The following NFYA variants were observed in gnomAD, a reference collection of about 807,000 sequenced individuals.
NFYA encodes the protein nuclear transcription factor Y subunit alpha, also known as CAAT-box DNA binding protein subunit A.
Under a neutral mutation model 52.8 loss-of-function variants are expected in NFYA, and 28 were observed. The ratio of observed to expected loss-of-function variants is 0.53; its 90% CI spans 0.39 to 0.73. NFYA has a LOEUF of 0.73. Ranked by LOEUF, NFYA falls within the 30% of genes least tolerant of loss-of-function variation. NFYA has a pLI of 0.00. For missense variants in NFYA, 234 were observed against 427.0 expected (o/e 0.55, Z 3.98); for synonymous variants, 150 against 150.7 (o/e 1.00, Z 0.03).
In NFYA at chr6:41,101,002, C is replaced by CGGTACCTAG. The variant is rs1013882864; in HGVS notation, c.*3594_*3602dup. On this transcript the variant is annotated 3_prime_UTR_variant, in exon 10 of 10. Coordinates refer to ENST00000341376, the MANE Select transcript of NFYA (RefSeq NM_002505.5). ...CTGCTACGCGGCTGGGCCCTGTTTC[C>CGGTACCTAG]GGTACCTAGGCGGGCAGCCATGGTG... The CGGTACCTAG allele has an allele frequency of 6.6e-6, 1 of 152,290 alleles. No homozygotes were observed. The highest frequency in any genetic ancestry group is 1.5e-5 in the Non-Finnish European group (1 of 68,072). 9.4% of individuals were successfully genotyped at this position (152,290 alleles called of 1,614,324 possible). A position where few individuals can be genotyped will look rare whatever the true frequency, so the allele number is the denominator to read the frequency against.
chr6:41,089,512 ACT>A, intron 4 of NFYA, 65 bp from the exon 5 acceptor site: 1 of 1,440,956 alleles, frequency 6.9e-7, no homozygotes, highest in Non-Finnish European at 9.2e-7. Flanking sequence ...AATGTGGATA[ACT>A]CTCGGGGACC....
chr6:41,092,408 G>T (rs1047595201), intron 7 of NFYA, among the ~76,000 whole-genome samples: 1 of 152,192 alleles, frequency 6.6e-6, no homozygotes, highest in Non-Finnish European at 1.5e-5. Context: ...ATTCAATACA[G>T]TTATTCAAAG....
chr6:41,073,857 C>T (rs1262656611), intron 1 of NFYA, among the ~76,000 whole-genome samples: 3 of 152,030 alleles, frequency 2.0e-5, no homozygotes, highest in Admixed American at 6.6e-5. Flanking sequence ...CTCGTCATTT[C>T]CTCTCTTCCC....
intron 1 of NFYA, 94 bp from the exon 2 acceptor site, chr6:41,078,935 A>G (rs1361614749): frequency 1.0e-5 from 6 of 574,948 alleles, no homozygotes; most frequent in Non-Finnish European, 1.9e-5. Flanking sequence ...GTTTTCTTGC[A>G]AATAAAGTAC....
intron 9 of NFYA, among the ~76,000 whole-genome samples, chr6:41,097,116 T>G (rs1320635750): frequency 6.6e-6 from 1 of 152,228 alleles, no homozygotes; most frequent in Non-Finnish European, 1.5e-5. Flanking sequence ...CTAACAGCCC[T>G]GCAGTGTTTC....
chr6:41,078,235 C>T (rs913119514), intron 1 of NFYA, among the ~76,000 whole-genome samples: 1 of 152,154 alleles, frequency 6.6e-6, no homozygotes, highest in Non-Finnish European at 1.5e-5. Context: ...ATTTTGGTTT[C>T]TTCTTTCACA....
intron 1 of NFYA, among the ~76,000 whole-genome samples, chr6:41,073,413 C>G (rs968777670): frequency 6.6e-6 from 1 of 151,944 alleles, no homozygotes; most frequent in African/African-American, 2.4e-5. Flanking sequence ...GGCCCCAGGC[C>G]TGGGGCCACG....
intron 6 of NFYA, 107 bp downstream of exon 6, chr6:41,090,416 TTTGG>T: frequency 1.6e-6 from 1 of 615,804 alleles, no homozygotes; most frequent in Non-Finnish European, 2.9e-6. Context: ...CTACATATTT[TTTGG>T]ACAAAAAAAA....
intron 1 of NFYA, chr6:41,075,250 A>G (rs1763701509): frequency 6.6e-6 from 1 of 152,198 alleles, no homozygotes; most frequent in African/African-American, 2.4e-5. Context: ...ACAGTGGCGC[A>G]ATCGTAGCTC....
At chr6:41,088,013 T>G (rs1285871464) in intron 4 of NFYA, among the ~76,000 whole-genome samples, 1 of 152,220 alleles carries the variant, frequency 6.6e-6, no homozygotes, top group Non-Finnish European at 1.5e-5. Flanking sequence ...CAAACATTAA[T>G]GACAGTAGTG....
rs766683975 is a variant in NFYA, at chr6:41,094,485, T to C, written c.978T>C (p.Ser326=). The C allele has an allele frequency of 6.2e-7, 1 of 1,613,560 alleles. No homozygotes were observed. The highest frequency in any genetic ancestry group is 1.1e-5 in the South Asian group (1 of 91,070). Residue 326 remains serine (S), a synonymous_variant, in exon 9 of 10, where the codon AGT becomes AGC. Coordinates refer to ENST00000341376, the MANE Select transcript of NFYA (RefSeq NM_002505.5). The part of the protein sequence containing the change: ...GRFFSPKEKD[S]PHMQDPNQAD... ...TTTTCTCTCCAAAGGAAAAGGATAG[T>C]CCCCATATGCAGGTAGGAAGACATA...
chr6:41,097,228 G>A lies in NFYA; in HGVS notation c.991-129G>A, dbSNP rs2113827636. On this transcript the variant is annotated intron_variant, in intron 9 of 9. Transcript: ENST00000341376. ...CTTTAAGCCATGTATGCAGACTTAA[G>A]ATGTATTACAAGCCTTTGATTTACT... is the stretch of plus-strand genomic sequence containing the variant. 1.2e-5 allele frequency: 9 copies of A among 775,846 alleles called. No individual in the cohort carries two copies. In the South Asian group the frequency reaches 1.4e-4, roughly 12 times the overall value. 48.1% of individuals were successfully genotyped at this position (775,846 alleles called of 1,614,324 possible).
In NFYA at chr6:41,097,493, A is replaced by T. The variant is rs1273331890; in HGVS notation, c.*83A>T. The T allele has an allele frequency of 7.0e-7, 1 of 1,425,048 alleles. No homozygotes were observed. The highest frequency in any genetic ancestry group is 9.9e-7 in the Non-Finnish European group (1 of 1,011,956). 88.3% of individuals were successfully genotyped at this position (1,425,048 alleles called of 1,614,324 possible). On this transcript the variant is annotated 3_prime_UTR_variant, in exon 10 of 10. Transcript: ENST00000341376. ...GATCAACTCTTCCAATGGGACATTG[A>T]TGATCACATTCTGCCCTTTACTACA...
chr6:41,089,692 C>G lies in NFYA; in HGVS notation c.423C>G (p.Val141=). 6.2e-7 allele frequency: 1 copy of G among 1,612,408 alleles called. No homozygotes were observed. The highest frequency in any genetic ancestry group is 8.5e-7 in the Non-Finnish European group (1 of 1,179,834). Residue 141 remains valine, a synonymous_variant, in exon 5 of 10, where the codon GTC becomes GTG. Coordinates refer to ENST00000341376, the MANE Select transcript of NFYA (RefSeq NM_002505.5). Reference sequence around the variant, plus strand: ...TCATCCAGCAGCCCCAGACGGCTGTCACTGCTGGCCAGACTCAGGTAATTC... The same window carrying G: ...TCATCCAGCAGCCCCAGACGGCTGTGACTGCTGGCCAGACTCAGGTAATTC... ...QIIIQQPQTA[V]TAGQTQTQQQ...
chr6:41,086,058 G>A (rs1764034890), intron 4 of NFYA, among the ~76,000 whole-genome samples: 1 of 152,120 alleles, frequency 6.6e-6, no homozygotes, highest in Non-Finnish European at 1.5e-5. Context: ...TATCTTTTCA[G>A]CATGTGCTTT....
At chr6:41,083,212 G>C (rs995223150) in intron 3 of NFYA, among the ~76,000 whole-genome samples, 30 of 152,204 alleles carry the variant, frequency 2.0e-4, no homozygotes, top group African/African-American at 6.8e-4. Context: ...GACTTAAGAT[G>C]TGACAGAGCA....
rs1764431868 is a variant in NFYA at position 41,098,998 on chromosome 6, C to T, written c.*1588C>T. The T allele has an allele frequency of 6.6e-6, 1 of 152,198 alleles. No homozygotes were observed. The highest frequency in any genetic ancestry group is 2.4e-5 in the African/African-American group (1 of 41,434). The allele number at this position is 152,198 out of a possible 1,614,324, so 9.4% of individuals were successfully genotyped here. A position where few individuals can be genotyped will look rare whatever the true frequency, so the allele number is the denominator to read the frequency against. Reference sequence around the variant, plus strand: ...AGAATAAAAATTGGTTCTTCTTTGACTTCAGCTTAACTGTATTAAGACAGA... The same window carrying T: ...AGAATAAAAATTGGTTCTTCTTTGATTTCAGCTTAACTGTATTAAGACAGA... On this transcript the variant is annotated 3_prime_UTR_variant, in exon 10 of 10. Transcript: ENST00000341376.
At chr6:41,092,458 G>T (rs569707405) in intron 7 of NFYA, among the ~76,000 whole-genome samples, 2 of 152,194 alleles carry the variant, frequency 1.3e-5, no homozygotes, top group South Asian at 4.1e-4. Flanking sequence ...ACAGGACTCT[G>T]TTACTTGTTT....
In NFYA at chr6:41,098,983, T is replaced by C. The variant is rs1582041739; in HGVS notation, c.*1573T>C. 1 of 152,202 alleles carries C rather than the reference T, an allele frequency of 6.6e-6. No homozygotes were observed. The allele number at this position is 152,202 out of a possible 1,614,324, so 9.4% of individuals were successfully genotyped here. ...GGGGGTTAAATACCAAGAATAAAAA[T>C]TGGTTCTTCTTTGACTTCAGCTTAA... On this transcript the variant is annotated 3_prime_UTR_variant, in exon 10 of 10. Transcript: ENST00000341376.
Sources: gnomAD v4.1 joint callset for allele counts (sites outside exome capture counted in the v4.1 genomes callset) on GRCh38, gnomAD v4.1.1 for gene constraint, MANE v1.5 for transcripts, NCBI Gene and HGNC (gene_info 2026-07-23, HGNC 2026-07-21) for gene names.